The following PGAP2 variants were observed in gnomAD, a reference collection of about 807,000 sequenced individuals.
PGAP2 encodes the protein acyltransferase PGAP2.
A neutral mutation model predicts 33.2 loss-of-function variants in PGAP2; 21 were observed. That is an observed-to-expected ratio of 0.63 (90% confidence interval 0.45 to 0.91). PGAP2 has a LOEUF of 0.91. Among genes scored for constraint, PGAP2 ranks in the 40% least tolerant of loss-of-function variants. The pLI is 0.00. For synonymous variants in PGAP2, 161 were observed against 172.9 expected, an observed-to-expected ratio of 0.93 and a Z score of 0.54; for missense variants, 345 against 424.0, an observed-to-expected ratio of 0.81 and a Z score of 1.64.
At chr11:3,798,798 C>T (rs2082999403) in intron 1 of PGAP2, among the ~76,000 whole-genome samples, 1 of 151,610 alleles carries the variant, frequency 6.6e-6, no homozygotes, top group African/African-American at 2.4e-5. Context: ...CACTCGCCGC[C>T]GCGCCCAGCT....
intron 3 of PGAP2, chr11:3,818,012 C>CCTG: frequency 5.9e-6 from 2 of 336,478 alleles, no homozygotes; most frequent in South Asian, 4.7e-5. Context: ...CACCATTATA[C>CCTG]TCCAGCCTGG....
chr11:3,805,310 G>A (rs2084140447), upstream of PGAP2, among the ~76,000 whole-genome samples: 1 of 141,786 alleles, frequency 7.1e-6, no homozygotes, highest in Non-Finnish European at 1.5e-5. Context: ...CACTCAGGCT[G>A]TTGTGGAGTG....
intron 1 of PGAP2, among the ~76,000 whole-genome samples, chr11:3,800,313 C>T (rs368834637): frequency 1.3e-5 from 2 of 152,240 alleles, no homozygotes; most frequent in African/African-American, 4.8e-5. Context: ...CTTCTACTGA[C>T]TTATTTTGGT....
At chr11:3,808,306 C>T, upstream of PGAP2, 1 of 1,551,508 alleles carries the variant, frequency 6.4e-7, no homozygotes, top group Non-Finnish European at 8.7e-7. Flanking sequence ...AGATGGAACG[C>T]AGCTGAGAGG....
rs144650339 is a variant in PGAP2, at chr11:3,811,550, G to A, written c.165+126G>A. ...CCATCAAACATACGGGGCTGCTGGGGGGATGCCTGCAAATTGAAATCTCAA... is the reference window on the plus strand; with the variant it reads ...CCATCAAACATACGGGGCTGCTGGGAGGATGCCTGCAAATTGAAATCTCAA... On this transcript the variant is annotated intron_variant, in intron 2 of 6. Transcript: ENST00000278243. This position sits in a 1 kb window ranked among gnomAD's most constrained non-coding sequence, Gnocchi z 4.6. 5,228 of 872,290 alleles carry A rather than the reference G, an allele frequency of 6.0e-3. 26 individuals carry two copies. The highest frequency in any genetic ancestry group is 7.4e-3 in the Non-Finnish European group (4,348 of 587,184). 54.0% of individuals were successfully genotyped at this position (872,290 alleles called of 1,614,324 possible). A position where few individuals can be genotyped will look rare whatever the true frequency, so the allele number is the denominator to read the frequency against.
upstream of PGAP2, chr11:3,808,235 A>C: frequency 6.5e-7 from 1 of 1,542,704 alleles, no homozygotes; most frequent in Middle Eastern, 1.7e-4. Context: ...GGCAGGAGAG[A>C]CGGGCGGATG....
chr11:3,811,891 G>T lies in PGAP2; in HGVS notation c.165+467G>T, dbSNP rs997617266. 1.5e-4 allele frequency among the ~76,000 whole-genome samples: 23 copies of T among 152,146 alleles called. No homozygotes were observed. Among genetic ancestry groups the T allele is most frequent in the Non-Finnish European group, 2.9e-5 (2 of 68,038 alleles). On this transcript the variant is annotated intron_variant, in intron 2 of 6. Coordinates refer to ENST00000278243, the MANE Select transcript of PGAP2 (RefSeq NM_014489.4). This position sits in a 1 kb window ranked among gnomAD's most constrained non-coding sequence, Gnocchi z 4.6. ...TTGGGCCTCTTAATGTAGCACTATG[G>T]GCTTGTGCCTGTCTCTGTAGGAATG...
At chr11:3,810,745 G>A (rs969124028) in intron 1 of PGAP2, among the ~76,000 whole-genome samples, 5 of 152,198 alleles carry the variant, frequency 3.3e-5, no homozygotes, top group Non-Finnish European at 5.9e-5. Context: ...CAGGCACACA[G>A]AGCCTGGGAA....
chr11:3,822,259 G>A lies in PGAP2; in HGVS notation c.349-1624G>A, dbSNP rs1355353455. Among the ~76,000 whole-genome samples the A allele has an allele frequency of 2.0e-5, 3 of 152,232 alleles. No homozygotes were observed. The East Asian group carries it at 5.8e-4, about 29-fold the overall frequency. ...GGCGCCTGTAGTCCCAGCTACTCGG[G>A]AGGCTGAGGCAGGAGAATGGCGTGA... On this transcript the variant is annotated intron_variant, in intron 3 of 6. Transcript: ENST00000278243.
chr11:3,808,771 A>G (rs2084942579), intron 1 of PGAP2, 120 bp downstream of exon 1: 2 of 299,020 alleles, frequency 6.7e-6, no homozygotes, highest in African/African-American at 2.3e-5. Context: ...CTGCCGTCCT[A>G]TCGCACACAC....
upstream of PGAP2, chr11:3,808,172 C>CT: frequency 6.8e-7 from 1 of 1,479,120 alleles, no homozygotes; most frequent in East Asian, 2.5e-5. Flanking sequence ...AGGAAACTGG[C>CT]TTAATGTTTC....
Position 3,820,862 on chromosome 11 carries a change from C to T in PGAP2, c.349-3021C>T, listed in dbSNP as rs774540421. Reference sequence around the variant, plus strand: ...ATAAAGAGAATTCATAAACACCCTGCAAGGTAGGTGGTGTTATACCCATTT... The same window carrying T: ...ATAAAGAGAATTCATAAACACCCTGTAAGGTAGGTGGTGTTATACCCATTT... On this transcript the variant is annotated intron_variant, in intron 3 of 6. Coordinates refer to ENST00000278243, the MANE Select transcript of PGAP2 (RefSeq NM_014489.4). Among the ~76,000 whole-genome samples, 11 of 152,214 alleles carry T rather than the reference C, an allele frequency of 7.2e-5. No homozygotes were observed. In the South Asian group the frequency reaches 1.0e-3, roughly 14 times the overall value.
Position 3,811,452 on chromosome 11 carries a change from T to A in PGAP2, c.165+28T>A. 6.3e-7 allele frequency: 1 copy of A among 1,593,240 alleles called. No individual in the cohort carries two copies. Among genetic ancestry groups the A allele is most frequent in the Non-Finnish European group, 8.6e-7 (1 of 1,165,018 alleles). On this transcript the variant is annotated intron_variant, in intron 2 of 6. Transcript: ENST00000278243. This position sits in a 1 kb window ranked among gnomAD's most constrained non-coding sequence, Gnocchi z 4.6. ...AGGGCATGGGGACACTGATACCTCA[T>A]ATTCAGGCCGATCTGGATCTTCTTT...
At position 3,821,935 on chromosome 11, in the gene PGAP2, A is replaced by G. The variant is rs1382804318; in HGVS notation, c.349-1948A>G. 2.0e-5 allele frequency among the ~76,000 whole-genome samples: 3 copies of G among 150,988 alleles called. No individual in the cohort carries two copies. In the East Asian group the frequency reaches 5.8e-4, roughly 29 times the overall value. Reference sequence around the variant, plus strand: ...AAAAAATCCAAAAAATTAGCCAGGCATGGTGGTGGCTACTTGGGAGGCTAA... The same window carrying G: ...AAAAAATCCAAAAAATTAGCCAGGCGTGGTGGTGGCTACTTGGGAGGCTAA... On this transcript the variant is annotated intron_variant, in intron 3 of 6. Coordinates refer to ENST00000278243, the MANE Select transcript of PGAP2 (RefSeq NM_014489.4).
chr11:3,818,051 A>G (rs1369054278), intron 3 of PGAP2: 1 of 221,724 alleles, frequency 4.5e-6, no homozygotes, highest in Non-Finnish European at 9.3e-6. Flanking sequence ...TGTCTCAAAA[A>G]CAAAACAAAA....
At chr11:3,799,467 G>A (rs929000768) in intron 1 of PGAP2, among the ~76,000 whole-genome samples, 1 of 152,112 alleles carries the variant, frequency 6.6e-6, no homozygotes, top group African/African-American at 2.4e-5. Context: ...CTTGAACCAG[G>A]GAGGCGGAGA....
upstream of PGAP2, chr11:3,807,947 A>G: frequency 1.3e-6 from 1 of 784,946 alleles, no homozygotes; most frequent in Non-Finnish European, 1.7e-6. Flanking sequence ...CAATCCTCTC[A>G]TTGTGGGGAG....
upstream of PGAP2, chr11:3,808,482 C>T (rs547831889): frequency 4.2e-6 from 6 of 1,430,908 alleles, no homozygotes; most frequent in Admixed American, 5.5e-5. Context: ...TCTCCAGAAG[C>T]GGGGAGGAGC....
chr11:3,824,200 C>T, intron 4 of PGAP2, 65 bp downstream of exon 4: 2 of 1,612,110 alleles, frequency 1.2e-6, no homozygotes, highest in Non-Finnish European at 1.7e-6. Context: ...GCCCCTACCA[C>T]ATTCGGACCT....
Sources: allele counts gnomAD v4.1 joint callset (sites outside exome capture counted in the v4.1 genomes callset), GRCh38; gene constraint gnomAD v4.1.1; non-coding constraint Gnocchi (gnomAD v3.1); transcripts MANE v1.5; gene names NCBI Gene and HGNC (gene_info 2026-07-23, HGNC 2026-07-21).